The following ZDHHC17 variants were observed in gnomAD, a reference collection of about 807,000 sequenced individuals.
The protein encoded by ZDHHC17 is palmitoyltransferase ZDHHC17.
Under a neutral mutation model 90.3 loss-of-function variants are expected in ZDHHC17, and 40 were observed. The observed-to-expected ratio is 0.44, with a 90% CI of 0.34 to 0.58. ZDHHC17 has a LOEUF of 0.58. ZDHHC17 is among the 20% of genes least tolerant of loss of function. ZDHHC17 has a pLI of 0.01. For synonymous variants in ZDHHC17, 235 were observed against 252.4 expected (o/e 0.93, Z 0.65); for missense variants, 614 against 780.8 (o/e 0.79, Z 2.55).
In ZDHHC17 at chr12:76,764,324, C is replaced by T. The variant is rs1952401878; in HGVS notation, c.88C>T (p.Pro30Ser). The T allele has an allele frequency of 1.3e-6, 2 of 1,598,106 alleles. No individual in the cohort carries two copies. The highest frequency in any genetic ancestry group is 2.3e-5 in the East Asian group (1 of 44,206). The change falls in exon 1 of 17, where the codon CCA becomes TCA. Residue 30 changes from proline (P) to serine (S), a missense_variant. Around this residue, in one of 5 missense-constraint regions of ZDHHC17, gnomAD observed 358 missense variants for 380.4 expected, o/e 0.94. Coordinates refer to ENST00000426126, the MANE Select transcript of ZDHHC17 (RefSeq NM_015336.4). Reference protein sequence around the residue: ...TEAGCVPLLHPEEIKPQSHYN... With the variant: ...TEAGCVPLLHSEEIKPQSHYN... ...AGCGGGCTGTGTGCCCCTTCTCCAC[C>T]CAGAGGTGAGGAACCGTGCTGAGTG... is the stretch of plus-strand genomic sequence containing the variant.
At chr12:76,816,271 C>T (rs1169370003) in intron 7 of ZDHHC17, among the ~76,000 whole-genome samples, 2 of 151,862 alleles carry the variant, frequency 1.3e-5, no homozygotes, top group Non-Finnish European at 2.9e-5. Flanking sequence ...GACCCCCACC[C>T]CACCATGGTG....
chr12:76,786,559 T>G (rs1432361698), intron 1 of ZDHHC17, among the ~76,000 whole-genome samples: 2 of 152,154 alleles, frequency 1.3e-5, no homozygotes, highest in African/African-American at 4.8e-5. Context: ...CCTGGCCTTT[T>G]TAATTTTTAT....
intron 7 of ZDHHC17, among the ~76,000 whole-genome samples, chr12:76,817,532 CAGTA>C (rs1327945601): frequency 3.3e-5 from 5 of 152,046 alleles, no homozygotes; most frequent in African/African-American, 1.2e-4. Flanking sequence ...AGAATTATGA[CAGTA>C]AGATGACTAC....
At position 76,828,400 on chromosome 12, in the gene ZDHHC17, G is replaced by A. The variant is rs766000788; in HGVS notation, c.1051G>A (p.Asp351Asn). 6 of 1,591,338 alleles carry A rather than the reference G, an allele frequency of 3.8e-6. No individual in the cohort carries two copies. Among genetic ancestry groups the A allele is most frequent in the South Asian group, 2.3e-5 (2 of 86,104 alleles). The stretch of plus-strand genomic sequence containing the variant: ...ACTTGTGTTTTACAGATCCTTTTTC[G>A]ATCATTCAATGCATAGTGCATTGCC... ...TVQFLSKSFFDHSMHSALPLG... is the reference protein window; with the variant it reads ...TVQFLSKSFFNHSMHSALPLG... The change falls in exon 10 of 17, where the codon GAT (aspartate) becomes AAT (asparagine). Residue 351 changes from aspartate (D) to asparagine (N), a missense_variant. By Grantham distance (23) the Asp-to-Asn change is conservative (BLOSUM62 1). Transcript: ENST00000426126.
chr12:76,769,431 ATG>A (rs776798783), intron 1 of ZDHHC17, among the ~76,000 whole-genome samples: 5 of 152,056 alleles, frequency 3.3e-5, no homozygotes, highest in South Asian at 2.1e-4. Flanking sequence ...TATATATTAT[ATG>A]TGTGTGTGTA....
chr12:76,849,929 T>C (rs750883012), intron 16 of ZDHHC17, among the ~76,000 whole-genome samples: 35 of 152,052 alleles, frequency 2.3e-4, no homozygotes, highest in Non-Finnish European at 4.3e-4. Context: ...TGCTTTTCTT[T>C]TCTTTTTTTT....
chr12:76,799,275 G>T (rs771391507), intron 2 of ZDHHC17, among the ~76,000 whole-genome samples: 1 of 152,182 alleles, frequency 6.6e-6, no homozygotes, highest in African/African-American at 2.4e-5. Flanking sequence ...GCATAAAGTG[G>T]TATCTGTTAT....
At chr12:76,805,490 TAAA>T in intron 3 of ZDHHC17, 51 bp downstream of exon 3, 1 of 1,344,556 alleles carries the variant, frequency 7.4e-7, no homozygotes, top group South Asian at 1.4e-5. Flanking sequence ...TTTATGGTTA[TAAA>T]ATTAATAGAA....
At chr12:76,834,941 T>G (rs915630051) in intron 10 of ZDHHC17, among the ~76,000 whole-genome samples, 2 of 152,208 alleles carry the variant, frequency 1.3e-5, no homozygotes, top group Non-Finnish European at 2.9e-5. Flanking sequence ...TGGAGCAGGG[T>G]AATTTTTCCA....
intron 10 of ZDHHC17, among the ~76,000 whole-genome samples, chr12:76,834,620 G>T (rs1047095268): frequency 2.0e-5 from 3 of 152,158 alleles, no homozygotes; most frequent in Middle Eastern, 3.4e-3. Context: ...CACTTTTCAT[G>T]AATTTTAATA....
chr12:76,849,519 T>G (rs1481157962), intron 16 of ZDHHC17, 49 bp downstream of exon 16: 3 of 1,250,254 alleles, frequency 2.4e-6, no homozygotes, highest in African/African-American at 3.1e-5. Flanking sequence ...ATAAAAATTT[T>G]CTTACTAACC....
rs952783912 is a variant in ZDHHC17, at chr12:76,805,712, C to G, written c.320+273C>G. ...CGTATATGAAATATAACAATTGTTA[C>G]TGTCCTACTGCTGGCAAAACTGAAG... On this transcript the variant is annotated intron_variant, in intron 3 of 16. Coordinates refer to ENST00000426126, the MANE Select transcript of ZDHHC17 (RefSeq NM_015336.4). Among the ~76,000 whole-genome samples, 53 of 152,084 alleles carry G rather than the reference C, an allele frequency of 3.5e-4. 1 individual carries two copies. Among genetic ancestry groups the G allele is most frequent in the African/African-American group, 1.2e-3 (49 of 41,404 alleles).
intron 1 of ZDHHC17, among the ~76,000 whole-genome samples, chr12:76,767,916 A>G (rs1592453809): frequency 6.6e-6 from 1 of 152,306 alleles, no homozygotes; most frequent in East Asian, 1.9e-4. Context: ...TCTTAAAAAA[A>G]AAAAAAATCC....
chr12:76,817,111 A>C (rs911114055), intron 7 of ZDHHC17, among the ~76,000 whole-genome samples: 1 of 152,108 alleles, frequency 6.6e-6, no homozygotes, highest in African/African-American at 2.4e-5. Flanking sequence ...GGTAGTTTTC[A>C]TGACTGCTGG....
At chr12:76,807,395 T>C (rs1016394370) in intron 3 of ZDHHC17, among the ~76,000 whole-genome samples, 11 of 152,300 alleles carry the variant, frequency 7.2e-5, no homozygotes, top group Admixed American at 3.9e-4. Flanking sequence ...TTGGTATCAG[T>C]TGTTCGTTGA....
chr12:76,821,280 A>G, intron 7 of ZDHHC17: 1 of 329,346 alleles, frequency 3.0e-6, no homozygotes, highest in South Asian at 4.2e-5. Flanking sequence ...GAAGACTCCT[A>G]GATTAGCCCA....
chr12:76,828,509 G>C lies in ZDHHC17; in HGVS notation c.1141+19G>C. On this transcript the variant is annotated intron_variant, in intron 10 of 16. Coordinates refer to ENST00000426126, the MANE Select transcript of ZDHHC17 (RefSeq NM_015336.4). ...TGGAATGATATCCTTTGGTTATAAA[G>C]ATCATACCAAAAACAAATTTTGTTT... 6.2e-7 allele frequency: 1 copy of C among 1,606,592 alleles called. No homozygotes were observed. Among genetic ancestry groups the C allele is most frequent in the Non-Finnish European group, 8.5e-7 (1 of 1,176,706 alleles).
chr12:76,815,272 A>G, intron 6 of ZDHHC17, 62 bp downstream of exon 6: 1 of 1,208,500 alleles, frequency 8.3e-7, no homozygotes, highest in Non-Finnish European at 1.2e-6. Flanking sequence ...ATGAAGTAAG[A>G]GAGAGGAAAA....
chr12:76,779,943 T>G (rs769784683), intron 1 of ZDHHC17, among the ~76,000 whole-genome samples: 31 of 152,132 alleles, frequency 2.0e-4, no homozygotes, highest in Admixed American at 1.4e-3. Context: ...GCTTTTACAT[T>G]GTTGTAAAAA....
Sources: allele counts gnomAD v4.1 joint callset (sites outside exome capture counted in the v4.1 genomes callset), GRCh38; gene constraint gnomAD v4.1.1; regional missense constraint gnomAD v4.1.1; transcripts MANE v1.5; gene names NCBI Gene and HGNC (gene_info 2026-07-23, HGNC 2026-07-21).